The following GSE1 variants were observed in gnomAD, a reference collection of about 807,000 sequenced individuals.
GSE1 encodes the protein Gse1 coiled-coil protein.
GSE1 carries 32 observed loss-of-function variants against 112.6 expected under a neutral mutation model. The ratio of observed to expected loss-of-function variants is 0.28; its 90% CI spans 0.21 to 0.38. GSE1 has a LOEUF of 0.38. Ranked by LOEUF, GSE1 falls within the 10% of genes least tolerant of loss-of-function variation. GSE1 has a pLI of 1.00. For missense variants in GSE1, 2,348 were observed against 1,699.2 expected (o/e 1.38, Z -6.71); for synonymous variants, 1,115 against 735.6 (o/e 1.52, Z -8.35).
chr16:85,500,897 G>A (rs192656333), intron 2 of GSE1, among the ~76,000 whole-genome samples: 2 of 151,818 alleles, frequency 1.3e-5, no homozygotes, highest in East Asian at 1.9e-4. Context: ...CTGTCAGCAC[G>A]TGGCTGTCTT....
intron 1 of GSE1, among the ~76,000 whole-genome samples, chr16:85,572,387 CCACA>C (rs977852685): frequency 3.3e-4 from 49 of 147,192 alleles, no homozygotes; most frequent in Non-Finnish European, 4.5e-4. Flanking sequence ...CCACATACCC[CCACA>C]CACAAACACA....
At chr16:85,478,482 G>A (rs1263919581) in intron 2 of GSE1, among the ~76,000 whole-genome samples, 10 of 149,806 alleles carry the variant, frequency 6.7e-5, no homozygotes, top group South Asian at 2.1e-4. Context: ...AGCTGAGATC[G>A]TGCCATTGCA....
chr16:85,394,117 C>G (rs1212668066), intron 2 of GSE1, among the ~76,000 whole-genome samples: 1 of 150,358 alleles, frequency 6.7e-6, no homozygotes, highest in Non-Finnish European at 1.5e-5. Flanking sequence ...AATGAACATT[C>G]GGGCTGTCGG....
chr16:85,361,709 C>T (rs1010484834), intron 2 of GSE1, among the ~76,000 whole-genome samples: 9 of 152,250 alleles, frequency 5.9e-5, no homozygotes, highest in African/African-American at 2.2e-4. Context: ...GAAGCAGGTA[C>T]AGGAGGAGCC....
At chr16:85,650,694 G>C (rs2051261678) in intron 3 of GSE1, among the ~76,000 whole-genome samples, 1 of 152,198 alleles carries the variant, frequency 6.6e-6, no homozygotes. Flanking sequence ...CGCGGGGCCG[G>C]CAGCTGGATT....
At chr16:85,412,530 A>AG (rs201401456) in intron 2 of GSE1, among the ~76,000 whole-genome samples, 22 of 17,822 alleles carry the variant, frequency 1.2e-3, no homozygotes, top group South Asian at 3.5e-3. Context: ...TGTTACACTC[A>AG]GGCCCCCCGG....
chr16:85,619,660 T>A (rs2048605773), intron 1 of GSE1, among the ~76,000 whole-genome samples: 1 of 152,196 alleles, frequency 6.6e-6, no homozygotes, highest in African/African-American at 2.4e-5. Flanking sequence ...AAAGACTGTA[T>A]TTCTGTATCC....
chr16:85,599,147 C>T (rs1427875465), intron 1 of GSE1, among the ~76,000 whole-genome samples: 1 of 152,214 alleles, frequency 6.6e-6, no homozygotes, highest in Non-Finnish European at 1.5e-5. Context: ...GAATAAAATT[C>T]CCCCTTTGAG....
At chr16:85,612,484 AC>A (rs1369386979), upstream of GSE1, among the ~76,000 whole-genome samples, 1 of 151,936 alleles carries the variant, frequency 6.6e-6, no homozygotes, top group Admixed American at 6.5e-5. Flanking sequence ...TCTGACCGCA[AC>A]CCCAGCTACT....
intron 1 of GSE1, among the ~76,000 whole-genome samples, chr16:85,315,682 A>G (rs982183200): frequency 6.6e-6 from 1 of 152,200 alleles, no homozygotes; most frequent in Non-Finnish European, 1.5e-5. Flanking sequence ...TTCCATTTGC[A>G]TTTCAGATAA....
At chr16:85,448,708 C>A (rs1159278821) in intron 2 of GSE1, among the ~76,000 whole-genome samples, 2 of 152,230 alleles carry the variant, frequency 1.3e-5, no homozygotes, top group Non-Finnish European at 2.9e-5. Context: ...TCCGGGGGCA[C>A]CACTGGCAGC....
At chr16:85,182,788 GC>G (rs2074617143) in intron 1 of GSE1, among the ~76,000 whole-genome samples, 2 of 152,172 alleles carry the variant, frequency 1.3e-5, no homozygotes, top group Middle Eastern at 3.4e-3. Context: ...ATTGTTGACG[GC>G]TGCATGAGAT....
intron 1 of GSE1, among the ~76,000 whole-genome samples, chr16:85,590,362 T>A (rs760750130): frequency 6.1e-5 from 9 of 146,848 alleles, no homozygotes; most frequent in African/African-American, 1.0e-4. Flanking sequence ...TGCTTGTGAA[T>A]GAGTGTGAGT....
intron 1 of GSE1, among the ~76,000 whole-genome samples, chr16:85,249,056 A>G (rs1906171063): frequency 6.6e-6 from 1 of 152,230 alleles, no homozygotes; most frequent in South Asian, 2.1e-4. Context: ...GGATCAAGCC[A>G]TGCCTGAAGG....
chr16:85,197,861 C>G (rs1222215276), intron 1 of GSE1, among the ~76,000 whole-genome samples: 1 of 152,202 alleles, frequency 6.6e-6, no homozygotes, highest in Non-Finnish European at 1.5e-5. Flanking sequence ...ACCGCCAGCC[C>G]AGGGTCCCCA....
At position 85,579,503 on chromosome 16, in the gene GSE1, G is replaced by A. The variant is rs1446277807; in HGVS notation, c.37+23140G>A. On this transcript the variant is annotated intron_variant, in intron 1 of 2. Coordinates refer to the GSE1 transcript ENST00000635906. ...GCGCTGGGCAGCCTGTGTCTGCAGC[G>A]GTTGCTGCCGGGGACTCACAGGCCG... 3.3e-5 allele frequency among the ~76,000 whole-genome samples: 5 copies of A among 152,298 alleles called. No homozygotes were observed. In the South Asian group the frequency reaches 8.3e-4, roughly 25 times the overall value.
At position 85,463,221 on chromosome 16, in the gene GSE1, C is replaced by T. The variant is rs997494272; in HGVS notation, c.2464+105578C>T. The stretch of plus-strand genomic sequence containing the variant: ...CACCCACCCGGGGCTGGAACCTGGC[C>T]CCGCACTCACCCAGCCTCGCCCTCC... On this transcript the variant is annotated intron_variant, in intron 2 of 2. Coordinates refer to the GSE1 transcript ENST00000637419. 6 of 483,064 alleles carry T rather than the reference C, an allele frequency of 1.2e-5. No homozygotes were observed. In the African/African-American group the frequency reaches 1.3e-4, roughly 10 times the overall value. 29.9% of individuals were successfully genotyped at this position (483,064 alleles called of 1,614,324 possible).
chr16:85,551,396 A>AG (rs1206592919), upstream of GSE1, among the ~76,000 whole-genome samples: 1 of 152,098 alleles, frequency 6.6e-6, no homozygotes, highest in Non-Finnish European at 1.5e-5. Context: ...CCTCAGAGGC[A>AG]GGGGTGCTGC....
intron 1 of GSE1, among the ~76,000 whole-genome samples, chr16:85,182,800 G>A (rs888741101): frequency 6.6e-6 from 1 of 152,080 alleles, no homozygotes; most frequent in Non-Finnish European, 1.5e-5. Context: ...TGCATGAGAT[G>A]GGAGTGAAGC....
Sources: allele counts gnomAD v4.1 joint callset (sites outside exome capture counted in the v4.1 genomes callset), GRCh38; gene constraint gnomAD v4.1.1; transcripts MANE v1.5; gene names NCBI Gene and HGNC (gene_info 2026-07-23, HGNC 2026-07-21).